The following GABPB1 variants were observed in gnomAD, a reference collection of about 807,000 sequenced individuals.
The protein encoded by GABPB1 is GA-binding protein subunit beta-1.
GABPB1 carries 15 observed loss-of-function variants against 45.9 expected under a neutral mutation model. The ratio of observed to expected loss-of-function variants is 0.33; its 90% confidence interval spans 0.22 to 0.50. GABPB1 has a LOEUF of 0.50. Ranked by LOEUF, GABPB1 falls within the 20% of genes least tolerant of loss-of-function variation. The probability of loss-of-function intolerance (pLI) is 0.98; values close to 1 mark genes in which losing one functional copy is unlikely to be tolerated. For missense variants in GABPB1, 252 were observed against 457.5 expected, an observed-to-expected ratio of 0.55 and a Z score of 4.10; for synonymous variants, 143 against 154.4, an observed-to-expected ratio of 0.93 and a Z score of 0.55.
At chr15:50,346,840 T>G (rs1465214166) in intron 1 of GABPB1, among the ~76,000 whole-genome samples, 1 of 145,188 alleles carries the variant, frequency 6.9e-6, no homozygotes, top group African/African-American at 2.6e-5. Context: ...CAGGCTGGAG[T>G]GCAGTGGCGC....
chr15:50,345,710 A>AT (rs10708823), intron 1 of GABPB1, among the ~76,000 whole-genome samples: 26 of 150,812 alleles, frequency 1.7e-4, no homozygotes, highest in Admixed American at 8.6e-4. Flanking sequence ...ATGTCTGTAC[A>AT]TTTTTTTTTG....
intron 1 of GABPB1, among the ~76,000 whole-genome samples, chr15:50,331,147 T>C (rs945268748): frequency 6.6e-6 from 1 of 152,150 alleles, no homozygotes; most frequent in African/African-American, 2.4e-5. Context: ...TCCATATGCA[T>C]CTTGAAAGAA....
chr15:50,343,046 C>CCCACCA (rs893333532), intron 1 of GABPB1, among the ~76,000 whole-genome samples: 1 of 152,058 alleles, frequency 6.6e-6, no homozygotes, highest in African/African-American at 2.4e-5. Context: ...ACTACAGGCG[C>CCCACCA]CCACCACCAC....
At chr15:50,302,643 CAAAAAAAAAAAAAAAAA>C (rs60408137) in intron 4 of GABPB1, among the ~76,000 whole-genome samples, 1 of 62,170 alleles carries the variant, frequency 1.6e-5, no homozygotes. Context: ...GACTCTGGCT[CAAAAAAAAAAAAAAAAA>C]AAAAAAAAAG....
chr15:50,325,618 G>A (rs1256091479), intron 1 of GABPB1, among the ~76,000 whole-genome samples: 1 of 151,652 alleles, frequency 6.6e-6, no homozygotes. Context: ...TGCAAGCTCC[G>A]CCTCCGGGGT....
chr15:50,280,513 G>A (rs1306754742), intron 8 of GABPB1, among the ~76,000 whole-genome samples: 1 of 152,154 alleles, frequency 6.6e-6, no homozygotes, highest in Non-Finnish European at 1.5e-5. Flanking sequence ...CACTTTGAGA[G>A]GCCAAGGCAG....
intron 8 of GABPB1, 131 bp from the exon 9 acceptor site, chr15:50,278,915 G>A (rs1044776090): frequency 9.3e-6 from 6 of 642,444 alleles, no homozygotes; most frequent in Non-Finnish European, 1.5e-5. Flanking sequence ...AAATTTCCTA[G>A]ACATCTTGCC....
At chr15:50,335,463 T>G (rs2048085379) in intron 1 of GABPB1, among the ~76,000 whole-genome samples, 1 of 152,220 alleles carries the variant, frequency 6.6e-6, no homozygotes. Context: ...GTGGCTTCAG[T>G]TCGCCAGATA....
intron 1 of GABPB1, chr15:50,353,902 C>T (rs1470122832): frequency 6.5e-6 from 1 of 154,210 alleles, no homozygotes. Context: ...CAAAACAGTC[C>T]GGAGAGAAAA....
rs1178314012 is a variant in GABPB1, at chr15:50,336,353, C to CA, written c.-1+18631dup. On this transcript the variant is annotated intron_variant, in intron 1 of 8. Coordinates refer to ENST00000380877, the MANE Select transcript of GABPB1 (RefSeq NM_016654.5). ...TGGGCAACAGAGCGAGACTCTGTCC[C>CA]AAAAAAAAAAAAAAAAAAATTATTT... 9.8e-3 allele frequency among the ~76,000 whole-genome samples: 1,132 copies of CA among 115,830 alleles called. 5 individuals carry two copies. Among genetic ancestry groups the CA allele is most frequent in the Non-Finnish European group, 0.014 (817 of 58,496 alleles). 76.0% of individuals were successfully genotyped at this position (115,830 alleles called of 152,430 possible).
chr15:50,340,591 T>C, intron 1 of GABPB1, among the ~76,000 whole-genome samples: 1 of 149,016 alleles, frequency 6.7e-6, no homozygotes, highest in East Asian at 2.0e-4. Flanking sequence ...ATAACACTGC[T>C]CTCCACTTGC....
intron 1 of GABPB1, chr15:50,352,584 C>A (rs2048884899): frequency 1.3e-5 from 2 of 152,240 alleles, no homozygotes; most frequent in Admixed American, 6.5e-5. Context: ...GATCGGCCCG[C>A]CTCCACCTCC....
intron 8 of GABPB1, among the ~76,000 whole-genome samples, chr15:50,284,788 A>G (rs184996170): frequency 1.6e-3 from 239 of 152,312 alleles, no homozygotes; most frequent in African/African-American, 5.2e-3. Flanking sequence ...ATCATCTGAC[A>G]TATCAGAAAA....
At chr15:50,307,922 T>C (rs1340380436) in intron 2 of GABPB1, among the ~76,000 whole-genome samples, 2 of 152,212 alleles carry the variant, frequency 1.3e-5, no homozygotes, top group Non-Finnish European at 2.9e-5. Context: ...GATCAGATGT[T>C]AGACTTTCTC....
At chr15:50,317,908 C>CAA (rs11300579) in intron 1 of GABPB1, among the ~76,000 whole-genome samples, 8 of 132,534 alleles carry the variant, frequency 6.0e-5, no homozygotes, top group African/African-American at 1.1e-4. Context: ...GACTCCGTAT[C>CAA]AAAAAAAAAA....
At chr15:50,313,113 TA>T (rs1226675609) in intron 1 of GABPB1, among the ~76,000 whole-genome samples, 1 of 152,040 alleles carries the variant, frequency 6.6e-6, no homozygotes, top group African/African-American at 2.4e-5. Flanking sequence ...CAAAAATGAC[TA>T]GAAGAAACAT....
intron 2 of GABPB1, among the ~76,000 whole-genome samples, chr15:50,306,201 C>A (rs2046942683): frequency 6.6e-6 from 1 of 152,052 alleles, no homozygotes; most frequent in Non-Finnish European, 1.5e-5. Context: ...AACTTCTGGC[C>A]TCAAATAATC....
intron 7 of GABPB1, among the ~76,000 whole-genome samples, chr15:50,286,462 C>A (rs1019080695): frequency 6.6e-6 from 1 of 151,804 alleles, no homozygotes. Flanking sequence ...AAATATTTAA[C>A]GAGCATATTT....
At chr15:50,286,670 T>G (rs2046166737) in intron 7 of GABPB1, among the ~76,000 whole-genome samples, 1 of 152,182 alleles carries the variant, frequency 6.6e-6, no homozygotes, top group Non-Finnish European at 1.5e-5. Context: ...CTTACATCAC[T>G]ACATAGAGAG....
Sources: allele counts gnomAD v4.1 joint callset (sites outside exome capture counted in the v4.1 genomes callset), GRCh38; gene constraint gnomAD v4.1.1; transcripts MANE v1.5; gene names NCBI Gene and HGNC (gene_info 2026-07-23, HGNC 2026-07-21).